Variants in ACCSL observed in about 807,000 individuals in gnomAD.
ACCSL encodes the protein probable inactive 1-aminocyclopropane-1-carboxylate synthase-like protein 2.
A neutral mutation model predicts 61.7 loss-of-function variants in ACCSL; 55 were observed. The observed-to-expected ratio is 0.89, with a 90% CI of 0.72 to 1.12. The LOEUF is 1.12. Ranked by LOEUF, ACCSL falls within the 50% of genes most tolerant of loss-of-function variation. The pLI, the probability that ACCSL is intolerant of heterozygous loss-of-function variation, is 0.00. For synonymous variants in ACCSL, 258 were observed against 264.3 expected, an observed-to-expected ratio of 0.98 and a Z score of 0.23; for missense variants, 632 against 698.0, an observed-to-expected ratio of 0.91 and a Z score of 1.07.
chr11:44,000,438 T>TA, the ACCSL span, among the ~76,000 whole-genome samples: 146 of 142,724 alleles, frequency 1.0e-3, no homozygotes, highest in African/African-American at 2.6e-3. Context: ...GTCTCTATTT[T>TA]AAAAAAAAAA....
At chr11:44,000,627 C>G in the ACCSL span, among the ~76,000 whole-genome samples, 4 of 141,514 alleles carry the variant, frequency 2.8e-5, no homozygotes, top group Admixed American at 2.9e-4. Context: ...CCCCCTGTCT[C>G]TATTAAAAAA....
chr11:44,041,997 A>C, the ACCSL span, among the ~76,000 whole-genome samples: 2 of 152,186 alleles, frequency 1.3e-5, no homozygotes. Context: ...GATATAAATA[A>C]TAGTATTAAA....
the ACCSL span, among the ~76,000 whole-genome samples, chr11:43,999,123 A>T: frequency 5.3e-5 from 8 of 152,282 alleles, no homozygotes; most frequent in Admixed American, 2.6e-4. Context: ...ATGAAATGAG[A>T]TATTGAATGT....
the ACCSL span, among the ~76,000 whole-genome samples, chr11:44,026,734 A>G: frequency 3.4e-5 from 5 of 146,830 alleles, no homozygotes; most frequent in African/African-American, 1.2e-4. Context: ...ATCTAGACTA[A>G]TTTTTTTTTT....
chr11:43,989,788 C>T, the ACCSL span, among the ~76,000 whole-genome samples: 1 of 152,244 alleles, frequency 6.6e-6, no homozygotes, highest in Non-Finnish European at 1.5e-5. Context: ...GCCAGCATCT[C>T]CAGCTTACTG....
the ACCSL span, among the ~76,000 whole-genome samples, chr11:43,957,680 GCTCT>G: frequency 3.3e-5 from 5 of 152,176 alleles, no homozygotes; most frequent in Non-Finnish European, 7.3e-5. Context: ...TTCAGGCCCT[GCTCT>G]CTGTCATGTG....
chr11:44,001,169 T>A, the ACCSL span: 1 of 152,096 alleles, frequency 6.6e-6, no homozygotes, highest in Non-Finnish European at 1.5e-5. Flanking sequence ...GCCTGCAGTC[T>A]TGTGGGGAGG....
At chr11:43,980,285 A>G in the ACCSL span, among the ~76,000 whole-genome samples, 1 of 152,252 alleles carries the variant, frequency 6.6e-6, no homozygotes, top group African/African-American at 2.4e-5. Flanking sequence ...AACCCAAAAA[A>G]ATGTGGGATT....
At chr11:44,028,894 G>A in the ACCSL span, among the ~76,000 whole-genome samples, 1 of 152,218 alleles carries the variant, frequency 6.6e-6, no homozygotes, top group Non-Finnish European at 1.5e-5. Flanking sequence ...TAAACAATAA[G>A]TTTGGAATAA....
chr11:43,992,082 C>T, the ACCSL span, among the ~76,000 whole-genome samples: 1 of 126,560 alleles, frequency 7.9e-6, no homozygotes, highest in African/African-American at 3.0e-5. Context: ...GACAGGGTCT[C>T]ACTCTGTTGC....
At chr11:43,964,951 G>A in the ACCSL span, among the ~76,000 whole-genome samples, 2 of 152,234 alleles carry the variant, frequency 1.3e-5, no homozygotes, top group African/African-American at 4.8e-5. Flanking sequence ...CCTCAACCAG[G>A]TAAAGGACAT....
the ACCSL span, among the ~76,000 whole-genome samples, chr11:43,992,878 G>C: frequency 7.2e-5 from 11 of 152,320 alleles, no homozygotes; most frequent in African/African-American, 2.4e-4. Flanking sequence ...TGGTCTGCAT[G>C]TGGCTTTCCT....
chr11:44,024,732 AT>A, the ACCSL span, among the ~76,000 whole-genome samples: 41 of 152,032 alleles, frequency 2.7e-4, no homozygotes, highest in Non-Finnish European at 5.6e-4. Context: ...TAAATGTTCT[AT>A]TCCATTGCTG....
chr11:44,019,309 T>G, the ACCSL span, among the ~76,000 whole-genome samples: 1 of 152,230 alleles, frequency 6.6e-6, no homozygotes, highest in African/African-American at 2.4e-5. Flanking sequence ...GTGGAATTGT[T>G]GGGTCATATA....
At chr11:44,012,975 C>A in the ACCSL span, among the ~76,000 whole-genome samples, 1 of 152,122 alleles carries the variant, frequency 6.6e-6, no homozygotes, top group South Asian at 2.1e-4. Context: ...TCAATAGTGC[C>A]AAGGGTGAGA....
At chr11:44,042,641 G>T in the ACCSL span, among the ~76,000 whole-genome samples, 43 of 116,870 alleles carry the variant, frequency 3.7e-4, no homozygotes, top group African/African-American at 1.3e-3. Flanking sequence ...TTTTTTGTTT[G>T]TTTTGTTTGT....
the ACCSL span, among the ~76,000 whole-genome samples, chr11:43,966,784 A>G: frequency 6.6e-6 from 1 of 151,954 alleles, no homozygotes; most frequent in Non-Finnish European, 1.5e-5. Flanking sequence ...TGATAATTTT[A>G]TTAGGAGGCT....
At chr11:44,012,435 C>T in the ACCSL span, among the ~76,000 whole-genome samples, 8 of 152,006 alleles carry the variant, frequency 5.3e-5, no homozygotes, top group South Asian at 2.1e-4. Flanking sequence ...TACAGGTGCC[C>T]GCCACCATGT....
chr11:43,979,276 G>A, the ACCSL span, among the ~76,000 whole-genome samples: 1 of 152,120 alleles, frequency 6.6e-6, no homozygotes, highest in Non-Finnish European at 1.5e-5. Flanking sequence ...AGGCTACAGT[G>A]AGCTGTGATC....
Sources: gnomAD v4.1 joint callset for allele counts (sites outside exome capture counted in the v4.1 genomes callset) on GRCh38, gnomAD v4.1.1 for gene constraint, MANE v1.5 for transcripts, NCBI Gene and HGNC (gene_info 2026-07-23, HGNC 2026-07-21) for gene names.